The following RDX variants were observed in gnomAD, a reference collection of about 807,000 sequenced individuals.
The protein encoded by RDX is radixin, also known as deafness, autosomal recessive 24.
In RDX, 32 loss-of-function variants were observed where a neutral mutation model predicts 83.7. That is an observed-to-expected ratio of 0.38 (90% CI 0.29 to 0.51). The LOEUF is 0.51. Ranked by LOEUF, RDX falls within the 20% of genes least tolerant of loss-of-function variation. The probability of loss-of-function intolerance (pLI) is 0.87; values close to 1 mark genes in which losing one functional copy is unlikely to be tolerated. For missense variants in RDX, 600 were observed against 689.9 expected (o/e 0.87, Z 1.46); for synonymous variants, 229 against 222.7 (o/e 1.03, Z -0.25).
At chr11:110,275,498 T>C (rs1314678071) in intron 2 of RDX, among the ~76,000 whole-genome samples, 5 of 152,220 alleles carry the variant, frequency 3.3e-5, no homozygotes, top group African/African-American at 1.2e-4. Context: ...CATAGACCAA[T>C]GGAAAACTAG....
chr11:110,266,477 T>C (rs763222300), intron 3 of RDX, among the ~76,000 whole-genome samples: 3 of 151,976 alleles, frequency 2.0e-5, no homozygotes, highest in Non-Finnish European at 2.9e-5. Context: ...CCAGGGGAGG[T>C]AAAAGTTCAT....
At chr11:110,183,242 T>A (rs956246453) in intron 15 of RDX, among the ~76,000 whole-genome samples, 1 of 152,216 alleles carries the variant, frequency 6.6e-6, no homozygotes, top group Non-Finnish European at 1.5e-5. Context: ...TGCAGCCCAG[T>A]GCCCAGTCTA....
intron 14 of RDX, among the ~76,000 whole-genome samples, chr11:110,210,363 T>C (rs1222226192): frequency 1.1e-4 from 13 of 116,792 alleles, no homozygotes; most frequent in East Asian, 2.8e-4. Flanking sequence ...CTACATCTGA[T>C]TGGTGTACCT....
At chr11:110,198,362 G>C in intron 15 of RDX, among the ~76,000 whole-genome samples, 1 of 151,816 alleles carries the variant, frequency 6.6e-6, no homozygotes, top group Non-Finnish European at 1.5e-5. Flanking sequence ...CCAAATTCAG[G>C]TCAGTACATA....
At chr11:110,240,744 CAA>C (rs1298350227) in intron 10 of RDX, among the ~76,000 whole-genome samples, 37 of 62,878 alleles carry the variant, frequency 5.9e-4, no homozygotes, top group African/African-American at 1.8e-3. Flanking sequence ...GACTCCGTCT[CAA>C]AAAAAAAAAA....
In RDX at chr11:110,220,929, C is replaced by T. The variant is rs554994476; in HGVS notation, c.1748+10944G>A. 2.8e-5 allele frequency among the ~76,000 whole-genome samples: 4 copies of T among 142,928 alleles called. No homozygotes were observed. The South Asian group carries it at 9.1e-4, about 32-fold the overall frequency. The allele number at this position is 142,928 out of a possible 152,430, so 93.8% of individuals were successfully genotyped here. A position where few individuals can be genotyped will look rare whatever the true frequency, so the allele number is the denominator to read the frequency against. The stretch of plus-strand genomic sequence containing the variant: ...GTTGAAAAAGCAGGGAAATTTGGTA[C>T]AGGATCCCTATACCCCTAATTTGGG... On this transcript the variant is annotated intron_variant, in intron 14 of 15. Coordinates refer to the RDX transcript ENST00000528498.
At chr11:110,283,933 T>G (rs1328158242) in intron 1 of RDX, among the ~76,000 whole-genome samples, 1 of 152,050 alleles carries the variant, frequency 6.6e-6, no homozygotes, top group Admixed American at 6.6e-5. Context: ...TGGTTAAATA[T>G]ATAAAGATAT....
chr11:110,274,286 G>A (rs774890197), intron 2 of RDX, among the ~76,000 whole-genome samples: 1 of 152,002 alleles, frequency 6.6e-6, no homozygotes, highest in Non-Finnish European at 1.5e-5. Flanking sequence ...ACTGTTATTT[G>A]TTCTTTGTAA....
chr11:110,254,996 C>T (rs1029316864), intron 8 of RDX, among the ~76,000 whole-genome samples: 2 of 152,146 alleles, frequency 1.3e-5, no homozygotes, highest in Admixed American at 6.6e-5. Flanking sequence ...TGAAGAAACA[C>T]TTTAAAATTG....
At chr11:110,263,149 C>A (rs1366827314) in intron 5 of RDX, among the ~76,000 whole-genome samples, 1 of 152,038 alleles carries the variant, frequency 6.6e-6, no homozygotes, top group Non-Finnish European at 1.5e-5. Context: ...GCGGCAGATG[C>A]CTGTAATCCC....
At chr11:110,179,383 G>C (rs921011467) in intron 15 of RDX, among the ~76,000 whole-genome samples, 6 of 152,174 alleles carry the variant, frequency 3.9e-5, no homozygotes, top group Admixed American at 2.0e-4. Flanking sequence ...TCACTGCCCT[G>C]GCCTTTCCAT....
Position 110,177,703 on chromosome 11 carries a change from C to T in RDX, c.*32-2469G>A, listed in dbSNP as rs529312508. Among the ~76,000 whole-genome samples the T allele has an allele frequency of 2.4e-4, 36 of 152,136 alleles. 1 individual carries two copies. The South Asian group carries it at 6.7e-3, about 28-fold the overall frequency. On this transcript the variant is annotated intron_variant, in intron 15 of 15. Coordinates refer to the RDX transcript ENST00000528498. Reference sequence around the variant, plus strand: ...TTTGCCATGTTGGCCAGGCTGGTCTCGAACTCCTGACCTCAGGTGGTCCGC... The same window carrying T: ...TTTGCCATGTTGGCCAGGCTGGTCTTGAACTCCTGACCTCAGGTGGTCCGC...
intron 14 of RDX, among the ~76,000 whole-genome samples, chr11:110,211,623 T>C (rs1470714267): frequency 6.8e-6 from 1 of 147,916 alleles, no homozygotes; most frequent in Non-Finnish European, 1.5e-5. Flanking sequence ...ACAGAAATTA[T>C]AACAAACTAT....
intron 2 of RDX, 179 bp from the exon 3 acceptor site, chr11:110,272,798 C>G: frequency 1.7e-6 from 1 of 594,230 alleles, no homozygotes; most frequent in East Asian, 3.0e-5. Flanking sequence ...GAATACTTAA[C>G]ATATACTGGG....
chr11:110,178,417 G>A (rs565930157), intron 15 of RDX, among the ~76,000 whole-genome samples: 4 of 152,288 alleles, frequency 2.6e-5, no homozygotes, highest in South Asian at 4.1e-4. Context: ...AGTGTGGGGA[G>A]AGAACTAAGG....
At chr11:110,217,693 A>G (rs1864103607) in intron 14 of RDX, among the ~76,000 whole-genome samples, 1 of 152,168 alleles carries the variant, frequency 6.6e-6, no homozygotes, top group African/African-American at 2.4e-5. Flanking sequence ...CAGCATCAAG[A>G]CCACTACTGC....
At chr11:110,270,224 A>T (rs570470309) in intron 3 of RDX, among the ~76,000 whole-genome samples, 1 of 152,150 alleles carries the variant, frequency 6.6e-6, no homozygotes, top group Admixed American at 6.5e-5. Flanking sequence ...GAGTATACTT[A>T]AACAAACCTA....
intron 10 of RDX, among the ~76,000 whole-genome samples, chr11:110,242,335 T>C (rs1478293915): frequency 6.6e-6 from 1 of 151,122 alleles, no homozygotes. Context: ...CACCTGTAAT[T>C]AGGCAGGAGA....
At chr11:110,227,773 C>T (rs914996184), downstream of RDX, among the ~76,000 whole-genome samples, 10 of 151,996 alleles carry the variant, frequency 6.6e-5, no homozygotes, top group Admixed American at 2.0e-4. Context: ...AATAAGAACC[C>T]GGAGCCATCA....
Sources: gnomAD v4.1 joint callset for allele counts (sites outside exome capture counted in the v4.1 genomes callset) on GRCh38, gnomAD v4.1.1 for gene constraint, MANE v1.5 for transcripts, NCBI Gene and HGNC (gene_info 2026-07-23, HGNC 2026-07-21) for gene names.